AGBL1: variants seen among roughly 807,000 people sequenced by gnomAD.
AGBL1 encodes the protein cytosolic carboxypeptidase 4.
Under a neutral mutation model 118.9 loss-of-function variants are expected in AGBL1, and 130 were observed. The observed-to-expected ratio is 1.09, with a 90% CI of 0.95 to 1.26. The LOEUF is 1.26. Among genes scored for constraint, AGBL1 ranks in the 50% most tolerant of loss-of-function variants. The pLI, the probability that AGBL1 is intolerant of heterozygous loss-of-function variation, is 0.00. For missense variants in AGBL1, 1,584 were observed against 1,298.1 expected, an observed-to-expected ratio of 1.22 and a Z score of -3.38; for synonymous variants, 555 against 478.9, an observed-to-expected ratio of 1.16 and a Z score of -2.08.
chr15:86,754,179 A>G (rs2077898976), intron 22 of AGBL1, among the ~76,000 whole-genome samples: 1 of 152,114 alleles, frequency 6.6e-6, no homozygotes. Context: ...TAAAATTATC[A>G]ACAAATTTAA....
intron 22 of AGBL1, among the ~76,000 whole-genome samples, chr15:86,680,638 C>G (rs1363422322): frequency 7.6e-6 from 1 of 131,790 alleles, no homozygotes; most frequent in Non-Finnish European, 1.5e-5. Context: ...GCAATCTTGG[C>G]TCACTACAAC....
Position 86,908,196 on chromosome 15 carries a change from A to G in AGBL1, c.*902A>G, listed in dbSNP as rs936453288. On this transcript the variant is annotated 3_prime_UTR_variant, in exon 23 of 23. Coordinates refer to ENST00000614907, the MANE Select transcript of AGBL1 (RefSeq NM_001386094.1). ...TGTAGGATGAAATGAGATGATATAT[A>G]AAAGTGTATAGCTTAGCATTTGGTA... 6 of 152,222 alleles carry G rather than the reference A, an allele frequency of 3.9e-5. No homozygotes were observed. The highest frequency in any genetic ancestry group is 1.4e-4 in the African/African-American group (6 of 41,454). The allele number at this position is 152,222 out of a possible 1,614,324, so 9.4% of individuals were successfully genotyped here.
At chr15:86,978,498 C>G (rs545235116) in intron 23 of AGBL1, among the ~76,000 whole-genome samples, 2 of 152,138 alleles carry the variant, frequency 1.3e-5, no homozygotes, top group Admixed American at 6.5e-5. Context: ...TTTAAGTACT[C>G]GTGCAGCCCT....
At chr15:86,240,051 A>C (rs1221960688) in intron 6 of AGBL1, among the ~76,000 whole-genome samples, 1 of 152,216 alleles carries the variant, frequency 6.6e-6, no homozygotes, top group Non-Finnish European at 1.5e-5. Context: ...TAACCTTTGG[A>C]GTCAGATGAG....
intron 22 of AGBL1, among the ~76,000 whole-genome samples, chr15:86,841,459 A>G (rs1381318358): frequency 1.3e-5 from 2 of 152,200 alleles, no homozygotes; most frequent in East Asian, 3.8e-4. Flanking sequence ...AAGACCTATG[A>G]ATGTTTTTTA....
At chr15:86,366,819 T>G (rs1046772487) in intron 17 of AGBL1, among the ~76,000 whole-genome samples, 1 of 152,206 alleles carries the variant, frequency 6.6e-6, no homozygotes, top group African/African-American at 2.4e-5. Flanking sequence ...GGAAAAAGGT[T>G]CCTTTACTGT....
chr15:86,166,289 G>A (rs995057901), intron 5 of AGBL1, among the ~76,000 whole-genome samples: 3 of 152,156 alleles, frequency 2.0e-5, no homozygotes, highest in Admixed American at 6.5e-5. Flanking sequence ...TCAAGTTGCC[G>A]ACAGCCTATG....
intron 17 of AGBL1, among the ~76,000 whole-genome samples, chr15:86,335,865 C>G (rs2080359709): frequency 6.6e-6 from 1 of 152,180 alleles, no homozygotes; most frequent in African/African-American, 2.4e-5. Flanking sequence ...TCACTTACTA[C>G]CTGTGAGAAT....
At chr15:86,252,335 A>C (rs1444745064) in intron 7 of AGBL1, among the ~76,000 whole-genome samples, 1 of 152,204 alleles carries the variant, frequency 6.6e-6, no homozygotes, top group East Asian at 1.9e-4. Context: ...TCTAAAGAGA[A>C]TATTACCAGG....
intron 21 of AGBL1, chr15:86,556,218 T>C (rs910435224): frequency 1.2e-6 from 2 of 1,611,428 alleles, no homozygotes; most frequent in Non-Finnish European, 1.7e-6. Flanking sequence ...CTCTCTACTG[T>C]GCAGTGTACA....
intron 1 of AGBL1, among the ~76,000 whole-genome samples, chr15:86,131,738 C>T (rs1567074551): frequency 6.6e-6 from 1 of 151,930 alleles, no homozygotes. Flanking sequence ...TGCTTGAGCT[C>T]AGGAGTTCAA....
chr15:86,625,606 A>C (rs1029145793), intron 21 of AGBL1, among the ~76,000 whole-genome samples: 2 of 151,978 alleles, frequency 1.3e-5, no homozygotes, highest in African/African-American at 4.8e-5. Context: ...TATTTGAATA[A>C]GTCTCATAAA....
At chr15:86,585,793 G>C (rs1362143873) in intron 21 of AGBL1, among the ~76,000 whole-genome samples, 1 of 152,208 alleles carries the variant, frequency 6.6e-6, no homozygotes, top group Non-Finnish European at 1.5e-5. Context: ...TATTTAAGTT[G>C]CACAGACTGG....
chr15:86,122,350 T>A (rs1394064696), intron 1 of AGBL1, among the ~76,000 whole-genome samples: 1 of 152,150 alleles, frequency 6.6e-6, no homozygotes, highest in Non-Finnish European at 1.5e-5. Flanking sequence ...CTTCAAGGAT[T>A]TAAAGAATAT....
intron 18 of AGBL1, among the ~76,000 whole-genome samples, chr15:86,521,395 TAG>T (rs2083186901): frequency 6.6e-6 from 1 of 152,182 alleles, no homozygotes; most frequent in African/African-American, 2.4e-5. Flanking sequence ...GTTACTATAT[TAG>T]AGTTTTGATG....
intron 18 of AGBL1, among the ~76,000 whole-genome samples, chr15:86,479,678 G>T (rs537531068): frequency 6.6e-6 from 1 of 152,156 alleles, no homozygotes; most frequent in African/African-American, 2.4e-5. Flanking sequence ...ACAGTGTGGC[G>T]ATTCTTCAAG....
At chr15:86,433,619 C>T (rs950769083) in intron 18 of AGBL1, among the ~76,000 whole-genome samples, 4 of 152,098 alleles carry the variant, frequency 2.6e-5, no homozygotes, top group East Asian at 1.9e-4. Flanking sequence ...TAGGGATGTT[C>T]CCATGAGAAC....
chr15:86,708,535 G>A lies in AGBL1; in HGVS notation c.3158+34099G>A, dbSNP rs372048535. 2.0e-4 allele frequency among the ~76,000 whole-genome samples: 31 copies of A among 152,232 alleles called. No homozygotes were observed. The East Asian group carries it at 3.1e-3, about 15-fold the overall frequency. On this transcript the variant is annotated intron_variant, in intron 22 of 22. Coordinates refer to ENST00000614907, the MANE Select transcript of AGBL1 (RefSeq NM_001386094.1). ...TTTCCAGTTCGTGGTATTTGTTACC[G>A]CAGCCTGAGCAGTCTAAGACAAGGT...
chr15:86,433,603 G>T (rs1263646505), intron 18 of AGBL1, among the ~76,000 whole-genome samples: 1 of 152,096 alleles, frequency 6.6e-6, no homozygotes, highest in Non-Finnish European at 1.5e-5. Context: ...TACTTTTAAA[G>T]CCCAGTAGGG....
Sources: allele counts gnomAD v4.1 joint callset (sites outside exome capture counted in the v4.1 genomes callset), GRCh38; gene constraint gnomAD v4.1.1; transcripts MANE v1.5; gene names NCBI Gene and HGNC (gene_info 2026-07-23, HGNC 2026-07-21).